MGAT4D: variants seen among roughly 807,000 people sequenced by gnomAD.
MGAT4D encodes the protein MGAT4 family member D, also known as alpha-1,3-mannosyl-glycoprotein 4-beta-N-acetylglucosaminyltransferase-like protein MGAT4D.
A neutral mutation model predicts 15.9 loss-of-function variants in MGAT4D; 34 were observed. The observed-to-expected ratio is 2.14, with a 90% confidence interval of 1.62 to 2.84. The LOEUF is 2.84. Among genes scored for constraint, MGAT4D ranks in the 30% most tolerant of loss-of-function variants. MGAT4D has a pLI of 0.00. For synonymous variants in MGAT4D, 112 were observed against 48.2 expected (o/e 2.33, Z -5.49); for missense variants, 327 against 140.2 (o/e 2.33, Z -6.73).
At chr4:140,488,497 AC>A (rs1184856106) in intron 1 of MGAT4D, among the ~76,000 whole-genome samples, 6 of 152,254 alleles carry the variant, frequency 3.9e-5, no homozygotes, top group Non-Finnish European at 1.5e-5. Flanking sequence ...TCAAAGTGCC[AC>A]AGGCACAGGA....
At chr4:140,487,012 G>A (rs566381852) in intron 1 of MGAT4D, among the ~76,000 whole-genome samples, 3 of 152,248 alleles carry the variant, frequency 2.0e-5, no homozygotes, top group Admixed American at 6.5e-5. Flanking sequence ...AGTCCCTAGG[G>A]ATCAATTTGG....
intron 10 of MGAT4D, chr4:140,450,089 G>T: frequency 2.8e-6 from 1 of 354,860 alleles, no homozygotes; most frequent in African/African-American, 2.1e-5. Context: ...ACTTTTTAAA[G>T]CTTTAGAAAC....
At chr4:140,453,358 T>C (rs1003071101) in intron 9 of MGAT4D, among the ~76,000 whole-genome samples, 1 of 152,104 alleles carries the variant, frequency 6.6e-6, no homozygotes, top group Non-Finnish European at 1.5e-5. Flanking sequence ...CATTCATACC[T>C]TTACTAGGTT....
chr4:140,493,258 C>T (rs1268271302), intron 1 of MGAT4D, among the ~76,000 whole-genome samples: 6 of 151,620 alleles, frequency 4.0e-5, no homozygotes, highest in Non-Finnish European at 8.8e-5. Flanking sequence ...CGGTACTCTC[C>T]CAAACTGTAT....
At chr4:140,451,611 CTA>C in intron 9 of MGAT4D, 94 bp from the exon 10 acceptor site, 1 of 395,038 alleles carries the variant, frequency 2.5e-6, no homozygotes, top group Non-Finnish European at 4.5e-6. Context: ...TTAGTTTTTG[CTA>C]GAGTTCTATT....
chr4:140,459,609 TATG>T lies in MGAT4D; in HGVS notation c.777_779del (p.Ile260del), dbSNP rs1210168950. 4.1e-6 allele frequency: 2 copies of T among 486,640 alleles called. No homozygotes were observed. The highest frequency in any genetic ancestry group is 7.3e-6 in the Non-Finnish European group (2 of 274,958). The allele number at this position is 486,640 out of a possible 1,614,324, so 30.1% of individuals were successfully genotyped here. On this transcript the variant is annotated inframe_deletion, in exon 8 of 11. Transcript: ENST00000511113. ...TTTTTGTAAAGTACATCTCTTTAGC[TATG>T]ATATCATCTTCTAGCTGAAAAAAAA...
At chr4:140,488,096 A>G (rs1355931282) in intron 1 of MGAT4D, among the ~76,000 whole-genome samples, 1 of 152,178 alleles carries the variant, frequency 6.6e-6, no homozygotes, top group African/African-American at 2.4e-5. Flanking sequence ...CTGCACTATT[A>G]TAATTGCCTC....
intron 9 of MGAT4D, 140 bp downstream of exon 9, chr4:140,456,445 TAGAA>T (rs142335804): frequency 0.017 from 6,839 of 414,152 alleles, 76 homozygotes; most frequent in Admixed American, 0.023. Flanking sequence ...ATTTAATAGG[TAGAA>T]AGATCAAAAT....
chr4:140,481,412 C>T (rs968788603), intron 2 of MGAT4D, among the ~76,000 whole-genome samples: 11 of 152,086 alleles, frequency 7.2e-5, no homozygotes, highest in African/African-American at 2.4e-4. Context: ...TTTCTTATAA[C>T]ATTAAACATA....
intron 4 of MGAT4D, among the ~76,000 whole-genome samples, chr4:140,472,686 G>A (rs935130080): frequency 2.0e-5 from 3 of 152,042 alleles, no homozygotes; most frequent in South Asian, 2.1e-4. Flanking sequence ...GTCATATTTC[G>A]TAAGCATTTT....
intron 4 of MGAT4D, among the ~76,000 whole-genome samples, chr4:140,473,730 G>A (rs1199051597): frequency 1.3e-5 from 2 of 152,036 alleles, no homozygotes; most frequent in African/African-American, 4.8e-5. Flanking sequence ...ACAGGGCCTC[G>A]CTCTGTAGCC....
chr4:140,478,012 G>A (rs982751986), intron 3 of MGAT4D, among the ~76,000 whole-genome samples: 1 of 152,112 alleles, frequency 6.6e-6, no homozygotes, highest in Non-Finnish European at 1.5e-5. Context: ...CCTTGCCACA[G>A]GCTTCAATCC....
intron 10 of MGAT4D, among the ~76,000 whole-genome samples, chr4:140,447,172 A>C (rs1730188888): frequency 6.6e-6 from 1 of 152,038 alleles, no homozygotes; most frequent in South Asian, 2.1e-4. Context: ...TTATGAGAAG[A>C]ATGTATATCT....
chr4:140,462,267 A>C (rs1731239475), intron 6 of MGAT4D, among the ~76,000 whole-genome samples: 1 of 152,146 alleles, frequency 6.6e-6, no homozygotes, highest in Admixed American at 6.5e-5. Flanking sequence ...TATCTAGATA[A>C]GTTTTGATCT....
chr4:140,470,109 T>C (rs1731822529), intron 5 of MGAT4D, among the ~76,000 whole-genome samples: 1 of 152,258 alleles, frequency 6.6e-6, no homozygotes, highest in African/African-American at 2.4e-5. Flanking sequence ...CCGGGTTTAA[T>C]GTCCTCTCCT....
At chr4:140,476,787 A>T (rs1732363641) in intron 3 of MGAT4D, among the ~76,000 whole-genome samples, 1 of 152,174 alleles carries the variant, frequency 6.6e-6, no homozygotes, top group African/African-American at 2.4e-5. Context: ...TCAACTAAAT[A>T]TTAGTCATTT....
intron 10 of MGAT4D, among the ~76,000 whole-genome samples, chr4:140,448,056 G>T (rs1255260901): frequency 1.3e-5 from 2 of 152,164 alleles, no homozygotes; most frequent in Admixed American, 1.3e-4. Flanking sequence ...GGCTTGCAGG[G>T]TTTCAACTGA....
At chr4:140,447,973 G>A (rs1730238809) in intron 10 of MGAT4D, among the ~76,000 whole-genome samples, 1 of 152,136 alleles carries the variant, frequency 6.6e-6, no homozygotes, top group African/African-American at 2.4e-5. Context: ...AGCTTAGTTT[G>A]GCTGGATATG....
chr4:140,483,223 T>C (rs1042586510), intron 1 of MGAT4D, among the ~76,000 whole-genome samples: 1 of 152,184 alleles, frequency 6.6e-6, no homozygotes, highest in African/African-American at 2.4e-5. Context: ...GTAGAGTTTC[T>C]ATCCACTAAC....
Sources: allele counts gnomAD v4.1 joint callset (sites outside exome capture counted in the v4.1 genomes callset), GRCh38; gene constraint gnomAD v4.1.1; transcripts MANE v1.5; gene names NCBI Gene and HGNC (gene_info 2026-07-23, HGNC 2026-07-21).